Variants in MYOM3 observed in about 807,000 individuals in gnomAD.
The protein encoded by MYOM3 is myomesin-3.
MYOM3 carries 155 observed loss-of-function variants against 191.7 expected under a neutral mutation model. The ratio of observed to expected loss-of-function variants is 0.81; its 90% CI spans 0.71 to 0.92. MYOM3 has a LOEUF of 0.92. MYOM3 is among the 40% of genes least tolerant of loss of function. The pLI is 0.00. For missense variants in MYOM3, 1,889 were observed against 1,890.6 expected (o/e 1.00, Z 0.02); for synonymous variants, 757 against 762.9 (o/e 0.99, Z 0.13).
chr1:24,088,800 T>C (rs1643777508), intron 14 of MYOM3, among the ~76,000 whole-genome samples: 1 of 152,204 alleles, frequency 6.6e-6, no homozygotes, highest in Non-Finnish European at 1.5e-5. Context: ...CAAGAACACC[T>C]CCTTGGGAAG....
At chr1:24,085,969 G>T (rs182909007) in intron 15 of MYOM3, among the ~76,000 whole-genome samples, 9 of 152,176 alleles carry the variant, frequency 5.9e-5, no homozygotes, top group Admixed American at 1.3e-4. Flanking sequence ...CTGTAGCAAG[G>T]TTCCTTAAAG....
Position 24,111,480 on chromosome 1 carries a change from C to G in MYOM3, c.-19+551G>C, listed in dbSNP as rs184695640. On this transcript the variant is annotated intron_variant, in intron 1 of 36. Coordinates refer to ENST00000374434, the MANE Select transcript of MYOM3 (RefSeq NM_152372.4). The surrounding 1 kb of genome is among the most constrained non-coding windows in gnomAD (Gnocchi z 4.7). ...GTGGCTCCACCAGCTTCCGCGAGGC[C>G]GAATCCTGCCCTTGCCAGTCATGAG... Among the ~76,000 whole-genome samples, 136 of 152,310 alleles carry G rather than the reference C, an allele frequency of 8.9e-4. 1 individual carries two copies. The highest frequency in any genetic ancestry group is 3.4e-3 in the Middle Eastern group (1 of 294).
At chr1:24,092,123 C>T in intron 11 of MYOM3, 51 bp downstream of exon 11, 2 of 1,396,140 alleles carry the variant, frequency 1.4e-6, no homozygotes, top group Non-Finnish European at 1.9e-6. Flanking sequence ...GCTCCCACCA[C>T]CAGACAGAAT....
Position 24,108,492 on chromosome 1 carries a change from G to A in MYOM3, c.145C>T (p.Arg49Trp), listed in dbSNP as rs773609917. The A allele has an allele frequency of 2.6e-5, 41 of 1,565,722 alleles. No homozygotes were observed. The highest frequency in any genetic ancestry group is 2.3e-4 in the East Asian group (10 of 42,606). Residue 49 changes from arginine (R) to tryptophan (W), a missense_variant, in exon 2 of 37, where the codon CGG (arginine) becomes TGG (tryptophan). Transcript: ENST00000374434. ...GGCTCCCACCTGCTGCGGAAGGTCC[G>A]CCTCCGCACAGAGGAGCCCATGCGC... ...SLRMGSSVRR[R>W]TFRSSEEEHE... is the part of the protein sequence containing the mutation.
chr1:24,062,214 A>G, intron 32 of MYOM3, 105 bp from the exon 33 acceptor site: 1 of 1,259,964 alleles, frequency 7.9e-7, no homozygotes, highest in Non-Finnish European at 1.1e-6. Context: ...ATCACGGGCT[A>G]TGGGTGGTGA....
rs1352975285 is a variant in MYOM3, at chr1:24,089,953, G to A, written c.1486+112C>T. 3 of 1,109,928 alleles carry A rather than the reference G, an allele frequency of 2.7e-6. No individual in the cohort carries two copies. The East Asian group carries it at 7.5e-5, about 28-fold the overall frequency. 68.8% of individuals were successfully genotyped at this position (1,109,928 alleles called of 1,614,324 possible). ...GACTGCCTCCAACTAGGCCCCACCT[G>A]CCCTCATCCCCCACACCCTGCACTG... On this transcript the variant is annotated intron_variant, in intron 13 of 36. Coordinates refer to ENST00000374434, the MANE Select transcript of MYOM3 (RefSeq NM_152372.4).
At chr1:24,061,650 G>A (rs1413699728) in intron 33 of MYOM3, among the ~76,000 whole-genome samples, 1 of 152,138 alleles carries the variant, frequency 6.6e-6, no homozygotes, top group Non-Finnish European at 1.5e-5. Context: ...TGTGATCACA[G>A]CTCATTGCAG....
At chr1:24,060,851 C>T (rs909139806) in intron 35 of MYOM3, among the ~76,000 whole-genome samples, 9 of 152,138 alleles carry the variant, frequency 5.9e-5, no homozygotes, top group South Asian at 2.1e-4. Flanking sequence ...GAACCAGGCT[C>T]GCGCTGGATG....
At chr1:24,070,198 T>C (rs560768031) in intron 25 of MYOM3, among the ~76,000 whole-genome samples, 105 of 152,340 alleles carry the variant, frequency 6.9e-4, no homozygotes, top group Non-Finnish European at 9.6e-4. Context: ...TGCCCTGCTT[T>C]ATAATGAATC....
At position 24,095,616 on chromosome 1, in the gene MYOM3, A is replaced by G. The variant is rs527789441; in HGVS notation, c.746-130T>C. The stretch of plus-strand genomic sequence containing the variant: ...GGTGGCTTCCCCTTGTGGCTTTGGG[A>G]AAGTTCTTTTACCTCTCTGTGCCTC... On this transcript the variant is annotated intron_variant, in intron 7 of 36. Coordinates refer to ENST00000374434, the MANE Select transcript of MYOM3 (RefSeq NM_152372.4). 1.4e-5 allele frequency: 10 copies of G among 719,566 alleles called. No individual in the cohort carries two copies. The South Asian group carries it at 1.8e-4, about 13-fold the overall frequency. 44.6% of individuals were successfully genotyped at this position (719,566 alleles called of 1,614,324 possible).
At chr1:24,102,050 G>C (rs1418525132) in intron 5 of MYOM3, among the ~76,000 whole-genome samples, 1 of 152,018 alleles carries the variant, frequency 6.6e-6, no homozygotes, top group African/African-American at 2.4e-5. Flanking sequence ...GAGTCTCATG[G>C]GATGAATGCT....
chr1:24,086,713 C>T lies in MYOM3; in HGVS notation c.1729G>A (p.Ala577Thr). Residue 577 changes from alanine (A) to threonine (T), a missense_variant, in exon 15 of 37, where the codon GCA becomes ACA. Transcript: ENST00000374434. ...TCGCTCAGGCCATACTGGTTCATTG[C>T]TCGCACTCTGAAGACATACGACTTC... is the stretch of plus-strand genomic sequence containing the variant. ...KKKSYVFRVR[A>T]MNQYGLSDPS... The T allele has an allele frequency of 1.2e-6, 2 of 1,614,196 alleles. No homozygotes were observed. Among genetic ancestry groups the T allele is most frequent in the Non-Finnish European group, 1.7e-6 (2 of 1,180,034 alleles).
intron 35 of MYOM3, among the ~76,000 whole-genome samples, chr1:24,059,545 TG>T (rs1196479181): frequency 1.3e-5 from 2 of 152,232 alleles, no homozygotes; most frequent in African/African-American, 4.8e-5. Context: ...CTATGATTGG[TG>T]GTACCTGGAG....
rs371775169 is a variant in MYOM3 at position 24,072,025 on chromosome 1, G to A, written c.2969-12C>T. 2.7e-5 allele frequency: 43 copies of A among 1,614,030 alleles called. No homozygotes were observed. The African/African-American group carries it at 4.7e-4, about 18-fold the overall frequency. Reference sequence around the variant, plus strand: ...CAGCTTCTCCAGCTCTGGGATAGGGGGAAGTGAGGAAGAAACCAGAGAGAA... The same window carrying A: ...CAGCTTCTCCAGCTCTGGGATAGGGAGAAGTGAGGAAGAAACCAGAGAGAA... On this transcript the variant is annotated splice_polypyrimidine_tract_variant and intron_variant, in intron 23 of 36. Coordinates refer to ENST00000374434, the MANE Select transcript of MYOM3 (RefSeq NM_152372.4).
In MYOM3 at chr1:24,065,839, C is replaced by G. The variant is rs757948940; in HGVS notation, c.3534+52G>C. 2.9e-6 allele frequency: 4 copies of G among 1,382,332 alleles called. No individual in the cohort carries two copies. In the Admixed American group the frequency reaches 6.7e-5, roughly 23 times the overall value. 85.6% of individuals were successfully genotyped at this position (1,382,332 alleles called of 1,614,324 possible). A position where few individuals can be genotyped will look rare whatever the true frequency, so the allele number is the denominator to read the frequency against. On this transcript the variant is annotated intron_variant, in intron 29 of 36. Transcript: ENST00000374434. Reference sequence around the variant, plus strand: ...CCCAGCCCAGAGCTCTTGGCCCTCCCTGGCTTGCAGCCAAAGGAGAAAGTG... The same window carrying G: ...CCCAGCCCAGAGCTCTTGGCCCTCCGTGGCTTGCAGCCAAAGGAGAAAGTG...
intron 5 of MYOM3, among the ~76,000 whole-genome samples, chr1:24,104,954 CA>C (rs932975732): frequency 2.0e-5 from 3 of 152,180 alleles, no homozygotes; most frequent in Admixed American, 6.5e-5. Flanking sequence ...GCCTTAGACC[CA>C]GGGGGATCTC....
intron 6 of MYOM3, 82 bp from the exon 7 acceptor site, chr1:24,098,093 G>C: frequency 4.4e-6 from 4 of 899,872 alleles, no homozygotes; most frequent in Non-Finnish European, 7.5e-6. Context: ...GGTGGGAAAG[G>C]CTGGAACTAA....
intron 29 of MYOM3, 165 bp downstream of exon 29, chr1:24,065,726 T>C: frequency 1.5e-6 from 1 of 680,828 alleles, no homozygotes; most frequent in South Asian, 1.6e-5. Context: ...CAATATTATT[T>C]ATCTTGATTA....
chr1:24,079,795 G>C (rs1250245297), intron 20 of MYOM3, among the ~76,000 whole-genome samples: 1 of 152,206 alleles, frequency 6.6e-6, no homozygotes, highest in Non-Finnish European at 1.5e-5. Flanking sequence ...TACCAAGTGA[G>C]TCTTTAGGGA....
Sources: allele counts gnomAD v4.1 joint callset (sites outside exome capture counted in the v4.1 genomes callset), GRCh38; gene constraint gnomAD v4.1.1; non-coding constraint Gnocchi (gnomAD v3.1); transcripts MANE v1.5; gene names NCBI Gene and HGNC (gene_info 2026-07-23, HGNC 2026-07-21).